The following HABP2 variants were observed in gnomAD, a reference collection of about 807,000 sequenced individuals.
The protein encoded by HABP2 is factor VII-activating protease.
HABP2 carries 65 observed loss-of-function variants against 66.5 expected under a neutral mutation model. The ratio of observed to expected loss-of-function variants is 0.98; its 90% CI spans 0.80 to 1.20. The LOEUF (loss-of-function observed/expected upper bound fraction) is 1.20. Among genes scored for constraint, HABP2 ranks in the 50% most tolerant of loss-of-function variants. The pLI is 0.00. For missense variants in HABP2, 786 were observed against 691.0 expected, an observed-to-expected ratio of 1.14 and a Z score of -1.54; for synonymous variants, 263 against 253.9, an observed-to-expected ratio of 1.04 and a Z score of -0.34.
At chr10:113,557,890 T>C (rs749512365) in intron 1 of HABP2, among the ~76,000 whole-genome samples, 1 of 152,268 alleles carries the variant, frequency 6.6e-6, no homozygotes, top group African/African-American at 2.4e-5. Flanking sequence ...ATTCTCATTT[T>C]ACAGACAAGA....
At chr10:113,581,838 G>A in intron 8 of HABP2, 38 bp from the exon 9 acceptor site, 1 of 1,611,680 alleles carries the variant, frequency 6.2e-7, no homozygotes, top group African/African-American at 1.3e-5. Context: ...ACTGGAGGGA[G>A]GCTGAATAGC....
Position 113,583,090 on chromosome 10 carries a change from C to A in HABP2, c.1095-126C>A, listed in dbSNP as rs1845570499. On this transcript the variant is annotated intron_variant, in intron 9 of 12. Transcript: ENST00000351270. ...TAATCTTATTTGGACCCTACCACAG[C>A]AGAGTTCTGTGAGTGAGACGAGGGT... 1.9e-5 allele frequency: 14 copies of A among 730,260 alleles called. No individual in the cohort carries two copies. The South Asian group carries it at 2.6e-4, about 13-fold the overall frequency. The allele number at this position is 730,260 out of a possible 1,614,324, so 45.2% of individuals were successfully genotyped here.
chr10:113,575,961 A>G lies in HABP2; in HGVS notation c.288A>G (p.Thr96=). 1 of 1,611,854 alleles carries G rather than the reference A, an allele frequency of 6.2e-7. No homozygotes were observed. Among genetic ancestry groups the G allele is most frequent in the Non-Finnish European group, 8.5e-7 (1 of 1,177,922 alleles). The part of the protein sequence containing the change: ...GDCLVHGSTF[T]CSCLAPFSGN... Reference sequence around the variant, plus strand: ...GCCTCGTCCATGGGAGCACCTTCACATGCAGCTGCCTGGCTCCTTTCTCTG... The same window carrying G: ...GCCTCGTCCATGGGAGCACCTTCACGTGCAGCTGCCTGGCTCCTTTCTCTG... Residue 96 remains threonine (T), a synonymous_variant, in exon 4 of 13, where the codon ACA becomes ACG. Transcript: ENST00000351270.
chr10:113,586,546 A>C (rs376313931), intron 12 of HABP2, among the ~76,000 whole-genome samples: 1 of 151,078 alleles, frequency 6.6e-6, no homozygotes, highest in African/African-American at 2.4e-5. Flanking sequence ...CAGAACTCCA[A>C]GTTGCTGAGG....
intron 5 of HABP2, 87 bp from the exon 6 acceptor site, chr10:113,577,939 G>T: frequency 6.6e-7 from 1 of 1,513,606 alleles, no homozygotes. Flanking sequence ...GACACCAGTA[G>T]AATGCCACCA....
At chr10:113,551,012 G>A (rs1245085004), upstream of HABP2, 1 of 152,226 alleles carries the variant, frequency 6.6e-6, no homozygotes, top group Non-Finnish European at 1.5e-5. Flanking sequence ...GTTGAAGTGT[G>A]CTTAAAATTT....
chr10:113,556,796 CT>C (rs1428950653), intron 1 of HABP2, among the ~76,000 whole-genome samples: 1 of 128,606 alleles, frequency 7.8e-6, no homozygotes, highest in Non-Finnish European at 1.6e-5. Context: ...TTCTTTGATT[CT>C]TTTATTCTTT....
In HABP2 at chr10:113,581,358, G is replaced by T. The variant is rs11575768; in HGVS notation, c.839-518G>T. Among the ~76,000 whole-genome samples the T allele has an allele frequency of 3.0e-3, 450 of 152,238 alleles. 1 individual carries two copies. Among genetic ancestry groups the T allele is most frequent in the African/African-American group, 0.01 (430 of 41,536 alleles). On this transcript the variant is annotated intron_variant, in intron 8 of 12. Coordinates refer to ENST00000351270, the MANE Select transcript of HABP2 (RefSeq NM_004132.5). ...TACAAACCCTAAGGAACAGGACAAGGCACCACCTATACAACATTTACTGCT... is the reference window on the plus strand; with the variant it reads ...TACAAACCCTAAGGAACAGGACAAGTCACCACCTATACAACATTTACTGCT...
intron 2 of HABP2, among the ~76,000 whole-genome samples, chr10:113,569,294 T>C (rs1281002098): frequency 6.6e-6 from 1 of 152,126 alleles, no homozygotes; most frequent in Non-Finnish European, 1.5e-5. Context: ...GGATCCAGAG[T>C]CCATCTCGAG....
chr10:113,580,078 C>T (rs1018090325), intron 7 of HABP2, among the ~76,000 whole-genome samples: 2 of 151,616 alleles, frequency 1.3e-5, no homozygotes, highest in Non-Finnish European at 2.9e-5. Flanking sequence ...CTGCACCCGG[C>T]CATGAAGATT....
At chr10:113,575,503 G>A (rs1039945211) in intron 3 of HABP2, among the ~76,000 whole-genome samples, 2 of 152,136 alleles carry the variant, frequency 1.3e-5, no homozygotes, top group African/African-American at 4.8e-5. Context: ...CTGGGCACTG[G>A]AAGTAGGGGA....
Position 113,553,200 on chromosome 10 carries a change from CT to C in HABP2, c.69+14del, listed in dbSNP as rs765695541. The stretch of plus-strand genomic sequence containing the variant: ...AAAGACAGCCTGTGGGGTAAGTGTT[CT>C]TTTCTAATATTTGTAGTTGAGAGAC... On this transcript the variant is annotated intron_variant, in intron 1 of 12. Transcript: ENST00000351270. 6.3e-7 allele frequency: 1 copy of C among 1,597,530 alleles called. No individual in the cohort carries two copies. The highest frequency in any genetic ancestry group is 8.6e-7 in the Non-Finnish European group (1 of 1,164,904).
chr10:113,551,120 A>G (rs1384427328), upstream of HABP2, among the ~76,000 whole-genome samples: 1 of 152,198 alleles, frequency 6.6e-6, no homozygotes, highest in African/African-American at 2.4e-5. Flanking sequence ...CAACTGTCAC[A>G]TGGATAAAGT....
intron 12 of HABP2, among the ~76,000 whole-genome samples, chr10:113,587,005 A>G (rs1451926452): frequency 6.6e-6 from 1 of 152,112 alleles, no homozygotes; most frequent in Non-Finnish European, 1.5e-5. Flanking sequence ...TTCCCAGAAG[A>G]TGGTTAAGAA....
chr10:113,581,103 G>T (rs189867662), intron 8 of HABP2, among the ~76,000 whole-genome samples: 2 of 152,146 alleles, frequency 1.3e-5, no homozygotes, highest in South Asian at 4.1e-4. Context: ...TCCTGGCCCC[G>T]CTCTGTGCCC....
chr10:113,576,483 C>T (rs1845411709), intron 4 of HABP2, among the ~76,000 whole-genome samples: 1 of 152,202 alleles, frequency 6.6e-6, no homozygotes, highest in Admixed American at 6.5e-5. Flanking sequence ...GGCCCATGCT[C>T]ATTCATTCTA....
chr10:113,588,630 A>C lies in HABP2; in HGVS notation c.*261A>C. 1.9e-6 allele frequency: 1 copy of C among 523,796 alleles called. No homozygotes were observed. The highest frequency in any genetic ancestry group is 3.3e-6 in the Non-Finnish European group (1 of 299,026). The allele number at this position is 523,796 out of a possible 1,614,324, so 32.4% of individuals were successfully genotyped here. A position where few individuals can be genotyped will look rare whatever the true frequency, so the allele number is the denominator to read the frequency against. ...ATAGTATGTTTGCTTTCCTTACCCA[A>C]TTGTACCTTCTAGAAAATCAGTGTT... On this transcript the variant is annotated 3_prime_UTR_variant, in exon 13 of 13. Coordinates refer to ENST00000351270, the MANE Select transcript of HABP2 (RefSeq NM_004132.5).
chr10:113,572,642 T>C, intron 2 of HABP2: 1 of 433,316 alleles, frequency 2.3e-6, no homozygotes, highest in Admixed American at 2.7e-5. Context: ...CCTCTCTTTC[T>C]CTGCTTTATC....
At chr10:113,573,523 G>A (rs1280125531) in intron 2 of HABP2, among the ~76,000 whole-genome samples, 1 of 152,284 alleles carries the variant, frequency 6.6e-6, no homozygotes, top group Non-Finnish European at 1.5e-5. Flanking sequence ...GAGATTTAGG[G>A]GTTGTACGGA....
Sources: allele counts gnomAD v4.1 joint callset (sites outside exome capture counted in the v4.1 genomes callset), GRCh38; gene constraint gnomAD v4.1.1; transcripts MANE v1.5; gene names NCBI Gene and HGNC (gene_info 2026-07-23, HGNC 2026-07-21).